The following ITGAE variants were observed in gnomAD, a reference collection of about 807,000 sequenced individuals.
ITGAE encodes the protein integrin subunit alpha E.
In ITGAE, 99 loss-of-function variants were observed where a neutral mutation model predicts 136.5. That is an observed-to-expected ratio of 0.73 (90% CI 0.62 to 0.86). The LOEUF is 0.86. ITGAE is among the 40% of genes least tolerant of loss of function. The pLI is 0.00. For synonymous variants in ITGAE, 613 were observed against 591.8 expected, an observed-to-expected ratio of 1.04 and a Z score of -0.52; for missense variants, 1,447 against 1,515.3, an observed-to-expected ratio of 0.95 and a Z score of 0.75.
In ITGAE at chr17:3,714,903, C is replaced by G. The variant is rs1200894935; in HGVS notation, c.3484G>C (p.Glu1162Gln). ...TTCAGCTGGGCCTTCCTGATGCTCT[C>G]CAAGTTCAGTTGTTGATATTTTCTT... ...FKRKYQQLNL[E>Q]SIRKAQLKSE... Residue 1162 changes from glutamate (E) to glutamine (Q), a missense_variant, in exon 31 of 31, where the codon GAG becomes CAG. By Grantham distance (29) the Glu-to-Gln change is conservative (BLOSUM62 2). Around this residue, in one of 3 missense-constraint regions of ITGAE, gnomAD observed 1,031 missense variants for 1,011.4 expected, o/e 1.02. Coordinates refer to ENST00000263087, the MANE Select transcript of ITGAE (RefSeq NM_002208.5). 1 of 1,610,908 alleles carries G rather than the reference C, an allele frequency of 6.2e-7. No homozygotes were observed. Among genetic ancestry groups the G allele is most frequent in the Admixed American group, 1.7e-5 (1 of 59,940 alleles).
At chr17:3,777,852 C>G (rs1359605325) in intron 1 of ITGAE, among the ~76,000 whole-genome samples, 192 bp from the exon 2 acceptor site, 19 of 152,080 alleles carry the variant, frequency 1.2e-4, no homozygotes, top group African/African-American at 4.6e-4. Context: ...CCTACTAAAC[C>G]AAGCTGTACC....
At chr17:3,786,942 C>T (rs1228562550) in intron 1 of ITGAE, among the ~76,000 whole-genome samples, 1 of 148,594 alleles carries the variant, frequency 6.7e-6, no homozygotes, top group Non-Finnish European at 1.5e-5. Context: ...GAGTTCATTT[C>T]GGAAATGGAA....
At chr17:3,760,325 G>A (rs1207931286) in intron 6 of ITGAE, 38 bp from the exon 7 acceptor site, 5 of 1,263,674 alleles carry the variant, frequency 4.0e-6, no homozygotes, top group South Asian at 2.4e-5. Flanking sequence ...GGCATGGGAT[G>A]TGAGGCAGAT....
At chr17:3,749,401 C>T (rs1041109194) in intron 16 of ITGAE, among the ~76,000 whole-genome samples, 1 of 152,040 alleles carries the variant, frequency 6.6e-6, no homozygotes, top group Non-Finnish European at 1.5e-5. Flanking sequence ...TATAGGCGCC[C>T]GCCACCATGC....
rs1426075827 is a variant in ITGAE at position 3,725,483 on chromosome 17, A to G, written c.3085-1739T>C. The G allele has an allele frequency of 2.5e-6, 4 of 1,614,232 alleles. No individual in the cohort carries two copies. The South Asian group carries it at 4.4e-5, about 18-fold the overall frequency. On this transcript the variant is annotated intron_variant, in intron 26 of 30. Coordinates refer to ENST00000263087, the MANE Select transcript of ITGAE (RefSeq NM_002208.5). Reference sequence around the variant, plus strand: ...TAGCCATAAAAATCATTGCTATTGAAGGACCAGATTTAGTCAATGGATCCC... The same window carrying G: ...TAGCCATAAAAATCATTGCTATTGAGGGACCAGATTTAGTCAATGGATCCC...
chr17:3,725,159 T>C (rs2051177603), intron 26 of ITGAE: 1 of 1,614,210 alleles, frequency 6.2e-7, no homozygotes, highest in South Asian at 1.1e-5. Context: ...TCTATACCAC[T>C]GCCACTTCTC....
At chr17:3,753,156 C>T in intron 14 of ITGAE, 134 bp downstream of exon 14, 1 of 936,256 alleles carries the variant, frequency 1.1e-6, no homozygotes, top group African/African-American at 1.7e-5. Context: ...GCCCAGCCGC[C>T]ATCCAGCCTG....
At position 3,755,146 on chromosome 17, in the gene ITGAE, T is replaced by TCTGCCG. The variant is rs1555522665; in HGVS notation, c.1349_1354dup (p.Ala450_Ala451dup). ...GTAGCTGTACTGCGCAGCCTCCGCG[T>TCTGCCG]CTGCCGCCGCCGCCGCTGTCTGGTT... On this transcript the variant is annotated inframe_insertion, in exon 12 of 31. Coordinates refer to ENST00000263087, the MANE Select transcript of ITGAE (RefSeq NM_002208.5). 1 of 1,455,930 alleles carries TCTGCCG rather than the reference T, an allele frequency of 6.9e-7. No individual in the cohort carries two copies. Among genetic ancestry groups the TCTGCCG allele is most frequent in the Non-Finnish European group, 9.2e-7 (1 of 1,085,122 alleles). The allele number at this position is 1,455,930 out of a possible 1,614,324, so 90.2% of individuals were successfully genotyped here.
chr17:3,783,982 G>A (rs1000395208), intron 1 of ITGAE, among the ~76,000 whole-genome samples: 2 of 152,142 alleles, frequency 1.3e-5, no homozygotes, highest in South Asian at 4.1e-4. Flanking sequence ...GCAGACCAGC[G>A]GGGCGCGGCG....
chr17:3,747,824 ACCC>A, intron 17 of ITGAE, 95 bp downstream of exon 17: 2 of 157,766 alleles, frequency 1.3e-5, no homozygotes, highest in African/African-American at 4.2e-5. Context: ...ACCAACACCC[ACCC>A]ACCCCCCGCC....
At position 3,799,844 on chromosome 17, in the gene ITGAE, G is replaced by A. The variant is rs1477140167; in HGVS notation, c.34+1267C>T. 6.6e-6 allele frequency among the ~76,000 whole-genome samples: 1 copy of A among 152,186 alleles called. No homozygotes were observed. Among genetic ancestry groups the A allele is most frequent in the Non-Finnish European group, 1.5e-5 (1 of 68,034 alleles). On this transcript the variant is annotated intron_variant, in intron 1 of 30. Coordinates refer to ENST00000263087, the MANE Select transcript of ITGAE (RefSeq NM_002208.5). The surrounding 1 kb of genome is among the most constrained non-coding windows in gnomAD (Gnocchi z 4.1). ...ATGTTTTTGAAATATAAAATATTAG[G>A]CCGGGCAAGGTGGCTCATGCCTGTA...
Position 3,753,334 on chromosome 17 carries a change from G to A in ITGAE, c.1624C>T (p.His542Tyr), listed in dbSNP as rs1216540681. 13 of 1,614,036 alleles carry A rather than the reference G, an allele frequency of 8.1e-6. No individual in the cohort carries two copies. The South Asian group carries it at 1.1e-4, about 14-fold the overall frequency. Residue 542 changes from histidine (H) to tyrosine (Y), a missense_variant, in exon 14 of 31, where the codon CAT becomes TAT. By Grantham distance (83) the His-to-Tyr change is moderately conservative (BLOSUM62 2). Transcript: ENST00000263087. ...ACGTAGACTCTGCCTTCTTCTCCAT[G>A]AACGTGGTAAAATGGAGCAGCCACC... is the stretch of plus-strand genomic sequence containing the variant. Reference protein sequence around the residue: ...LLVAAPFYHVHGEEGRVYVYR... With the variant: ...LLVAAPFYHVYGEEGRVYVYR...
At chr17:3,742,947 C>T (rs983419123) in intron 19 of ITGAE, among the ~76,000 whole-genome samples, 10 of 152,174 alleles carry the variant, frequency 6.6e-5, no homozygotes, top group Non-Finnish European at 1.0e-4. Flanking sequence ...CCAGGGCGCC[C>T]GGCTGACAAA....
Position 3,798,453 on chromosome 17 carries a change from G to C in ITGAE, c.34+2658C>G, listed in dbSNP as rs2143558839. On this transcript the variant is annotated intron_variant, in intron 1 of 30. Coordinates refer to ENST00000263087, the MANE Select transcript of ITGAE (RefSeq NM_002208.5). The surrounding 1 kb of genome is among the most constrained non-coding windows in gnomAD (Gnocchi z 4.3). The stretch of plus-strand genomic sequence containing the variant: ...TACAAACCAGACTCTTCACACCCCA[G>C]GGCTTGGTCCCTCCTATCCCCCCTG... Among the ~76,000 whole-genome samples, 1 of 152,146 alleles carries C rather than the reference G, an allele frequency of 6.6e-6. No homozygotes were observed. Among genetic ancestry groups the C allele is most frequent in the South Asian group, 2.1e-4 (1 of 4,816 alleles).
intron 28 of ITGAE, among the ~76,000 whole-genome samples, chr17:3,720,865 G>A (rs960608122): frequency 1.3e-5 from 2 of 152,120 alleles, no homozygotes; most frequent in Admixed American, 6.6e-5. Context: ...TTACAGGCGT[G>A]AGCTGCCGCG....
chr17:3,801,064 A>G, intron 1 of ITGAE, 47 bp downstream of exon 1: 2 of 1,606,576 alleles, frequency 1.2e-6, no homozygotes, highest in Admixed American at 3.3e-5. Flanking sequence ...ACCTGGCTGG[A>G]GCTGAGGGCA....
At chr17:3,781,577 G>A (rs1323026873) in intron 1 of ITGAE, among the ~76,000 whole-genome samples, 1 of 151,920 alleles carries the variant, frequency 6.6e-6, no homozygotes, top group Non-Finnish European at 1.5e-5. Context: ...GGATGGTCTT[G>A]AACTCCTGAC....
At chr17:3,785,587 T>G (rs1040099557) in intron 1 of ITGAE, among the ~76,000 whole-genome samples, 12 of 151,276 alleles carry the variant, frequency 7.9e-5, no homozygotes, top group Admixed American at 6.6e-4. Flanking sequence ...TCGTGAAAAT[T>G]AAGCAATGCA....
intron 1 of ITGAE, 24 bp from the exon 2 acceptor site, chr17:3,777,684 A>G: frequency 6.3e-7 from 1 of 1,591,810 alleles, no homozygotes; most frequent in Middle Eastern, 1.7e-4. Context: ...AGGAGCGTTT[A>G]ATGAAAGAGG....
Sources: gnomAD v4.1 joint callset for allele counts (sites outside exome capture counted in the v4.1 genomes callset) on GRCh38, gnomAD v4.1.1 for gene constraint, gnomAD v4.1.1 regional missense constraint, Gnocchi (gnomAD v3.1) non-coding constraint, MANE v1.5 for transcripts, NCBI Gene and HGNC (gene_info 2026-07-23, HGNC 2026-07-21) for gene names.